Variants in FHIT observed in about 807,000 individuals in gnomAD.
FHIT encodes bis(5'-adenosyl)-triphosphatase.
Under a neutral mutation model 17.9 loss-of-function variants are expected in FHIT, and 19 were observed. That is an observed-to-expected ratio of 1.06 (90% CI 0.74 to 1.56). The LOEUF (loss-of-function observed/expected upper bound fraction) is 1.56. Among genes scored for constraint, FHIT ranks in the 40% most tolerant of loss-of-function variants. The pLI, the probability that FHIT is intolerant of heterozygous loss-of-function variation, is 0.00. For missense variants in FHIT, 248 were observed against 189.2 expected (o/e 1.31, Z -1.82); for synonymous variants, 81 against 69.7 (o/e 1.16, Z -0.81).
At chr3:60,630,215 G>A (rs1349860536) in intron 4 of FHIT, among the ~76,000 whole-genome samples, 1 of 152,124 alleles carries the variant, frequency 6.6e-6, no homozygotes, top group Non-Finnish European at 1.5e-5. Context: ...GTGTACTCTG[G>A]TATCATTAAC....
At chr3:61,096,462 C>T (rs1012869258) in intron 2 of FHIT, among the ~76,000 whole-genome samples, 3 of 152,220 alleles carry the variant, frequency 2.0e-5, no homozygotes, top group Non-Finnish European at 4.4e-5. Flanking sequence ...ATTGAACCAA[C>T]TCACCCTATA....
Position 60,385,195 on chromosome 3 carries a change from C to T in FHIT, c.103+151665G>A, listed in dbSNP as rs552398914. On this transcript the variant is annotated intron_variant, in intron 5 of 9. Coordinates refer to ENST00000492590, the MANE Select transcript of FHIT (RefSeq NM_002012.4). The stretch of plus-strand genomic sequence containing the variant: ...TGCAATGGAAATAATAATGTCTATT[C>T]CAGCAGATTAAAAAATACAAGGCAG... Among the ~76,000 whole-genome samples the T allele has an allele frequency of 4.6e-5, 7 of 152,226 alleles. No homozygotes were observed. In the South Asian group the frequency reaches 1.5e-3, roughly 32 times the overall value.
intron 7 of FHIT, among the ~76,000 whole-genome samples, chr3:59,938,593 G>C (rs1183559664): frequency 6.6e-6 from 1 of 152,086 alleles, no homozygotes; most frequent in African/African-American, 2.4e-5. Context: ...GAGTAACTAT[G>C]TGAGATGATG....
chr3:60,568,201 C>G (rs1358485484), intron 4 of FHIT, among the ~76,000 whole-genome samples: 2 of 152,166 alleles, frequency 1.3e-5, no homozygotes, highest in African/African-American at 4.8e-5. Flanking sequence ...AGACTTGGAA[C>G]TGACCCACAT....
chr3:59,760,651 A>G (rs1357413201), intron 8 of FHIT, among the ~76,000 whole-genome samples: 3 of 152,154 alleles, frequency 2.0e-5, no homozygotes, highest in African/African-American at 7.2e-5. Context: ...GCAAAGAGCA[A>G]CTGCAGCTCC....
chr3:60,650,742 T>C (rs1280003317), intron 4 of FHIT, among the ~76,000 whole-genome samples: 3 of 152,232 alleles, frequency 2.0e-5, no homozygotes, highest in Non-Finnish European at 2.9e-5. Flanking sequence ...GCGGGTCATT[T>C]GGTGACGTTT....
intron 3 of FHIT, among the ~76,000 whole-genome samples, chr3:60,908,470 T>C (rs1371578777): frequency 1.3e-5 from 2 of 152,126 alleles, no homozygotes; most frequent in Non-Finnish European, 2.9e-5. Flanking sequence ...ATCAGTTTTC[T>C]TTCACAATGG....
chr3:61,243,112 G>A (rs538626369), intron 1 of FHIT, among the ~76,000 whole-genome samples: 6 of 152,294 alleles, frequency 3.9e-5, no homozygotes, highest in South Asian at 4.1e-4. Flanking sequence ...AGGAATGAAC[G>A]AGGACAGCTT....
chr3:61,083,053 T>C (rs1303822415), intron 2 of FHIT, among the ~76,000 whole-genome samples: 1 of 152,224 alleles, frequency 6.6e-6, no homozygotes, highest in East Asian at 1.9e-4. Context: ...TCATCTCCCA[T>C]TCTGTGGCTT....
intron 4 of FHIT, chr3:60,537,468 A>T (rs1253619296): frequency 1.0e-6 from 1 of 983,736 alleles, no homozygotes; most frequent in African/African-American, 1.7e-5. Context: ...CCTTGCCTAC[A>T]ATTACAAAAA....
chr3:60,162,823 T>C (rs1432643058), intron 5 of FHIT, among the ~76,000 whole-genome samples: 1 of 152,126 alleles, frequency 6.6e-6, no homozygotes, highest in Non-Finnish European at 1.5e-5. Flanking sequence ...CCCTATGGCT[T>C]CCCTGGATAT....
intron 8 of FHIT, among the ~76,000 whole-genome samples, chr3:59,792,044 G>A (rs536372376): frequency 1.9e-4 from 11 of 57,542 alleles, no homozygotes; most frequent in Non-Finnish European, 4.5e-4. Flanking sequence ...TCTATGTCTT[G>A]GTTTTAATCA....
chr3:60,895,607 G>A (rs1705750102), intron 3 of FHIT, among the ~76,000 whole-genome samples: 2 of 151,952 alleles, frequency 1.3e-5, no homozygotes, highest in South Asian at 4.2e-4. Flanking sequence ...TGGTTTTCTA[G>A]TGCAAGAAAC....
intron 4 of FHIT, among the ~76,000 whole-genome samples, chr3:60,694,644 G>A (rs2041072987): frequency 6.6e-6 from 1 of 152,130 alleles, no homozygotes; most frequent in East Asian, 1.9e-4. Flanking sequence ...ATTCACAATA[G>A]CAAAGACCTG....
intron 4 of FHIT, among the ~76,000 whole-genome samples, chr3:60,565,763 A>T (rs2107651945): frequency 6.6e-6 from 1 of 152,264 alleles, no homozygotes; most frequent in Non-Finnish European, 1.5e-5. Flanking sequence ...TATTTCCTTC[A>T]GTTCCGCTCT....
intron 5 of FHIT, among the ~76,000 whole-genome samples, chr3:60,334,865 C>G (rs1369327668): frequency 6.6e-6 from 1 of 152,170 alleles, no homozygotes; most frequent in Non-Finnish European, 1.5e-5. Context: ...TAATGTACAG[C>G]CTGTGTGTAT....
chr3:60,553,448 A>G (rs1037052894), intron 4 of FHIT: 5 of 437,036 alleles, frequency 1.1e-5, no homozygotes, highest in African/African-American at 4.4e-5. Context: ...TAAAATATAT[A>G]TATATATATA....
chr3:61,081,016 C>A (rs1299359149), intron 2 of FHIT, among the ~76,000 whole-genome samples: 2 of 152,072 alleles, frequency 1.3e-5, no homozygotes, highest in Admixed American at 6.5e-5. Context: ...CATTTCAAGG[C>A]GGCCTGGAGA....
chr3:59,803,765 AG>A (rs1700091084), intron 8 of FHIT, among the ~76,000 whole-genome samples: 1 of 88,436 alleles, frequency 1.1e-5, no homozygotes, highest in South Asian at 4.2e-4. Flanking sequence ...AGCCTAAGGG[AG>A]ATTGCCAGGT....
Sources: gnomAD v4.1 joint callset for allele counts (sites outside exome capture counted in the v4.1 genomes callset) on GRCh38, gnomAD v4.1.1 for gene constraint, MANE v1.5 for transcripts, NCBI Gene and HGNC (gene_info 2026-07-23, HGNC 2026-07-21) for gene names.